Variants in ROCK1 observed in about 807,000 individuals in gnomAD.
The protein encoded by ROCK1 is rho-associated protein kinase 1.
ROCK1 carries 36 observed loss-of-function variants against 196.8 expected under a neutral mutation model. The observed-to-expected ratio is 0.18, with a 90% CI of 0.14 to 0.24. The LOEUF is 0.24. ROCK1 is among the 10% of genes least tolerant of loss of function. The pLI is 1.00. For synonymous variants in ROCK1, 443 were observed against 515.9 expected (o/e 0.86, Z 1.91); for missense variants, 920 against 1,562.0 (o/e 0.59, Z 6.93).
intron 12 of ROCK1, among the ~76,000 whole-genome samples, chr18:21,016,884 G>A (rs772067031): frequency 4.0e-5 from 6 of 149,306 alleles, no homozygotes; most frequent in East Asian, 2.0e-4. Flanking sequence ...TAGCCCCCCC[G>A]CAAAAAAAAA....
intron 17 of ROCK1, among the ~76,000 whole-genome samples, chr18:20,992,282 T>C (rs886718191): frequency 6.6e-6 from 1 of 152,232 alleles, no homozygotes; most frequent in African/African-American, 2.4e-5. Context: ...ACCTCCAACA[T>C]TTCAGAGGCT....
rs780365484 is a variant in ROCK1, at chr18:20,966,902, C to T, written c.3352+15G>A. Reference sequence around the variant, plus strand: ...GACATTTATACATGTTTGAATGATACAGAATTATTCTTACCTGGGAGGTTA... The same window carrying T: ...GACATTTATACATGTTTGAATGATATAGAATTATTCTTACCTGGGAGGTTA... On this transcript the variant is annotated intron_variant, in intron 27 of 32. Coordinates refer to ENST00000399799, the MANE Select transcript of ROCK1 (RefSeq NM_005406.3). The T allele has an allele frequency of 6.3e-7, 1 of 1,586,526 alleles. No individual in the cohort carries two copies. The highest frequency in any genetic ancestry group is 8.6e-7 in the Non-Finnish European group (1 of 1,159,990).
chr18:21,083,209 T>C (rs1434533274), intron 1 of ROCK1, among the ~76,000 whole-genome samples: 1 of 152,188 alleles, frequency 6.6e-6, no homozygotes, highest in Non-Finnish European at 1.5e-5. Flanking sequence ...AGACATCCTA[T>C]GTTCATGGAC....
In ROCK1 at chr18:20,982,812, C is replaced by G. The variant is rs766334829; in HGVS notation, c.2510G>C (p.Gly837Ala). The part of the protein sequence containing the change: ...QLTKQYRGNE[G>A]QMRELQDQLE... ...CTGATCTTGTAGCTCCCGCATCTGT[C>G]CTTCATTTCCTCTATACTGTCTTCA... Residue 837 changes from glycine (G) to alanine (A), a missense_variant, in exon 21 of 33, where the codon GGA becomes GCA. Gly to Ala is a moderately conservative substitution (Grantham distance 60). This residue lies in a region of ROCK1 where 520 missense variants were observed against 657.1 expected (regional missense o/e 0.79). Transcript: ENST00000399799. 1 of 1,563,902 alleles carries G rather than the reference C, an allele frequency of 6.4e-7. No individual in the cohort carries two copies. The highest frequency in any genetic ancestry group is 1.1e-5 in the South Asian group (1 of 89,622).
chr18:21,019,752 C>A (rs1463284438), intron 12 of ROCK1, among the ~76,000 whole-genome samples: 1 of 150,418 alleles, frequency 6.6e-6, no homozygotes, highest in Non-Finnish European at 1.5e-5. Context: ...GAGCCAAGAT[C>A]GTGCCACTGC....
chr18:21,107,566 G>A (rs1049632324), intron 1 of ROCK1, among the ~76,000 whole-genome samples: 1 of 152,112 alleles, frequency 6.6e-6, no homozygotes, highest in Non-Finnish European at 1.5e-5. Flanking sequence ...TAATACATGA[G>A]AGGTCCAAAG....
At chr18:21,037,463 A>T (rs2036067271) in intron 9 of ROCK1, among the ~76,000 whole-genome samples, 1 of 152,190 alleles carries the variant, frequency 6.6e-6, no homozygotes, top group Non-Finnish European at 1.5e-5. Flanking sequence ...AAAATTTAGC[A>T]GGTCAAAGAG....
intron 17 of ROCK1, 109 bp downstream of exon 17, chr18:20,992,722 G>A (rs2035637055): frequency 1.6e-6 from 1 of 630,686 alleles, no homozygotes; most frequent in Non-Finnish European, 2.6e-6. Context: ...TTTTAGAAAT[G>A]TAACTATATA....
intron 16 of ROCK1, among the ~76,000 whole-genome samples, chr18:21,003,326 A>G (rs2035742192): frequency 6.6e-6 from 1 of 152,178 alleles, no homozygotes; most frequent in Non-Finnish European, 1.5e-5. Context: ...AATAAACTTA[A>G]GGGACGTATT....
At chr18:21,021,687 C>A (rs1189880714) in intron 11 of ROCK1, among the ~76,000 whole-genome samples, 2 of 152,066 alleles carry the variant, frequency 1.3e-5, no homozygotes, top group African/African-American at 2.4e-5. Context: ...ATTAGTATAT[C>A]CCCCCTGATA....
chr18:21,079,284 T>C (rs2036462522), intron 1 of ROCK1, among the ~76,000 whole-genome samples: 1 of 152,188 alleles, frequency 6.6e-6, no homozygotes, highest in Non-Finnish European at 1.5e-5. Flanking sequence ...TTCCTTGGTC[T>C]GCTGTATGGA....
At chr18:21,093,191 C>A (rs2036585325) in intron 1 of ROCK1, among the ~76,000 whole-genome samples, 1 of 152,088 alleles carries the variant, frequency 6.6e-6, no homozygotes, top group Non-Finnish European at 1.5e-5. Flanking sequence ...TCCACTGTAC[C>A]TGAACAAATA....
intron 9 of ROCK1, among the ~76,000 whole-genome samples, chr18:21,038,297 CT>C (rs2036074862): frequency 6.6e-6 from 1 of 152,064 alleles, no homozygotes; most frequent in Non-Finnish European, 1.5e-5. Context: ...TATATAATTG[CT>C]AATAAAATTC....
At chr18:21,076,077 T>C (rs1464278451) in intron 1 of ROCK1, among the ~76,000 whole-genome samples, 1 of 151,966 alleles carries the variant, frequency 6.6e-6, no homozygotes, top group Non-Finnish European at 1.5e-5. Context: ...AAGAAATGCC[T>C]TAAGAATGAA....
intron 1 of ROCK1, among the ~76,000 whole-genome samples, chr18:21,088,373 G>T (rs2036543974): frequency 6.6e-6 from 1 of 152,148 alleles, no homozygotes; most frequent in South Asian, 2.1e-4. Flanking sequence ...GCACACGCCT[G>T]TGGTCCCAGC....
chr18:21,067,725 T>A (rs184574501), intron 2 of ROCK1, among the ~76,000 whole-genome samples: 2 of 152,312 alleles, frequency 1.3e-5, no homozygotes, highest in African/African-American at 4.8e-5. Flanking sequence ...AAATAAAAGT[T>A]TTTTATTTTG....
At chr18:20,953,355 T>C (rs2035208662) in intron 32 of ROCK1, 2 of 381,578 alleles carry the variant, frequency 5.2e-6, no homozygotes, top group African/African-American at 4.3e-5. Context: ...CTTATGACAA[T>C]AAAATTAGAC....
In ROCK1 at chr18:21,039,576, A is replaced by G. The variant is rs751099470; in HGVS notation, c.960-13T>C. The G allele has an allele frequency of 1.8e-5, 29 of 1,570,036 alleles. No individual in the cohort carries two copies. Among genetic ancestry groups the G allele is most frequent in the Non-Finnish European group, 2.5e-5 (29 of 1,140,520 alleles). ...TAACCTCACTTCCCTGAATAATGAC[A>G]GAAGGAGAAAAGTAATCAATCATTT... On this transcript the variant is annotated splice_polypyrimidine_tract_variant and intron_variant, in intron 8 of 32. Coordinates refer to ENST00000399799, the MANE Select transcript of ROCK1 (RefSeq NM_005406.3).
chr18:21,080,731 A>T (rs2036476020), intron 1 of ROCK1, among the ~76,000 whole-genome samples: 1 of 152,094 alleles, frequency 6.6e-6, no homozygotes, highest in African/African-American at 2.4e-5. Context: ...ACCTTAAGTT[A>T]AAAAAATGGT....
Sources: gnomAD v4.1 joint callset for allele counts (sites outside exome capture counted in the v4.1 genomes callset) on GRCh38, gnomAD v4.1.1 for gene constraint, gnomAD v4.1.1 regional missense constraint, MANE v1.5 for transcripts, NCBI Gene and HGNC (gene_info 2026-07-23, HGNC 2026-07-21) for gene names.